Variants in PLEKHH1 observed in about 807,000 individuals in gnomAD.
PLEKHH1 encodes the protein pleckstrin homology, MyTH4 and FERM domain containing H1, also known as pleckstrin homology domain-containing family H member 1.
Under a neutral mutation model 160.0 loss-of-function variants are expected in PLEKHH1, and 104 were observed. The ratio of observed to expected loss-of-function variants is 0.65; its 90% CI spans 0.55 to 0.76. PLEKHH1 has a LOEUF of 0.76. PLEKHH1 is among the 30% of genes least tolerant of loss of function. The pLI is 0.00. For synonymous variants in PLEKHH1, 619 were observed against 678.4 expected, an observed-to-expected ratio of 0.91 and a Z score of 1.36; for missense variants, 1,427 against 1,724.1, an observed-to-expected ratio of 0.83 and a Z score of 3.05.
chr14:67,573,608 G>T lies in PLEKHH1; in HGVS notation c.1840-193G>T, dbSNP rs1473599122. Among the ~76,000 whole-genome samples the T allele has an allele frequency of 2.0e-5, 3 of 152,188 alleles. No individual in the cohort carries two copies. The highest frequency in any genetic ancestry group is 2.9e-5 in the Non-Finnish European group (2 of 68,036). ...AATGAAATAGGGAGGTTCTCAGAAG[G>T]ACCCATGTTCCTGATTAAGGTTCCA... On this transcript the variant is annotated intron_variant, in intron 12 of 28. Coordinates refer to ENST00000329153, the MANE Select transcript of PLEKHH1 (RefSeq NM_020715.3). The surrounding 1 kb of genome is among the most constrained non-coding windows in gnomAD (Gnocchi z 4.8).
At chr14:67,585,328 G>A (rs975014172) in intron 26 of PLEKHH1, 3 of 488,084 alleles carry the variant, frequency 6.1e-6, no homozygotes, top group South Asian at 4.5e-5. Flanking sequence ...AAGAATGATC[G>A]CCTCTGCCTT....
chr14:67,571,428 G>T (rs538693629), intron 9 of PLEKHH1: 2 of 249,156 alleles, frequency 8.0e-6, no homozygotes, highest in South Asian at 1.0e-4. Context: ...TTTAAAGCTC[G>T]CATGGCACAC....
intron 7 of PLEKHH1, among the ~76,000 whole-genome samples, chr14:67,564,769 G>A (rs1308414937): frequency 3.3e-5 from 5 of 149,502 alleles, no homozygotes; most frequent in Admixed American, 3.3e-4. Context: ...GCTCACTGCA[G>A]CCTCAACTTC....
chr14:67,578,075 A>G lies in PLEKHH1; in HGVS notation c.2627A>G (p.His876Arg). Residue 876 changes from histidine to arginine, a missense_variant, in exon 19 of 29, where the codon CAT becomes CGT. Coordinates refer to ENST00000329153, the MANE Select transcript of PLEKHH1 (RefSeq NM_020715.3). The surrounding 1 kb of genome is among the most constrained non-coding windows in gnomAD (Gnocchi z 5.0). ...GTGGAAGCTGCCTCGGTGGACTACC[A>G]TGTGTCCCTGGCCCAGACCGCACTG... ...VPVEAASVDY[H>R]VSLAQTALQV... 6.2e-7 allele frequency: 1 copy of G among 1,613,898 alleles called. No homozygotes were observed. The highest frequency in any genetic ancestry group is 8.5e-7 in the Non-Finnish European group (1 of 1,179,828).
chr14:67,563,895 G>A (rs2034961733), intron 7 of PLEKHH1, among the ~76,000 whole-genome samples: 2 of 108,120 alleles, frequency 1.8e-5, no homozygotes, highest in African/African-American at 6.7e-5. Flanking sequence ...CACCATGCCC[G>A]GCTAACTGTT....
Position 67,579,820 on chromosome 14 carries a change from T to G in PLEKHH1, c.3127T>G (p.Phe1043Val). 2 of 1,609,796 alleles carry G rather than the reference T, an allele frequency of 1.2e-6. No homozygotes were observed. Among genetic ancestry groups the G allele is most frequent in the Non-Finnish European group, 1.7e-6 (2 of 1,178,144 alleles). Residue 1043 changes from phenylalanine (F) to valine (V), a missense_variant, in exon 22 of 29, where the codon TTC (phenylalanine) becomes GTC (valine). Around this residue, in one of 6 missense-constraint regions of PLEKHH1, gnomAD observed 436 missense variants for 607.5 expected, o/e 0.72. Transcript: ENST00000329153. ...GCCATCCCACTCTGGCTTTGCCCTC[T>G]TCACGGACGATCCCTCGGGCAGGGA... The part of the protein sequence containing the change: ...RKPSHSGFAL[F>V]TDDPSGRDLE...
At chr14:67,559,971 C>G (rs778000771) in intron 5 of PLEKHH1, among the ~76,000 whole-genome samples, 9 of 152,242 alleles carry the variant, frequency 5.9e-5, no homozygotes, top group Admixed American at 1.3e-4. Flanking sequence ...CAGTTTCTTT[C>G]TAGGAAGCCC....
intron 8 of PLEKHH1, among the ~76,000 whole-genome samples, chr14:67,569,483 C>T (rs927759400): frequency 1.3e-5 from 2 of 152,240 alleles, no homozygotes; most frequent in African/African-American, 4.8e-5. Flanking sequence ...CAGCCTCCCA[C>T]CTGCACAGGC....
chr14:67,539,997 A>C (rs926893758), intron 1 of PLEKHH1, among the ~76,000 whole-genome samples: 5 of 152,248 alleles, frequency 3.3e-5, no homozygotes, highest in Non-Finnish European at 7.3e-5. Flanking sequence ...AGCCCATCAA[A>C]GAGAGGCTAA....
In PLEKHH1 at chr14:67,533,413, C is replaced by G. The variant is rs985828717; in HGVS notation, c.-35+15C>G. Reference sequence around the variant, plus strand: ...GCTCGCTGGAGGTGAGCGACCCGCGCTCCCGCCGCTGTGGTGGGCTGGGGC... The same window carrying G: ...GCTCGCTGGAGGTGAGCGACCCGCGGTCCCGCCGCTGTGGTGGGCTGGGGC... On this transcript the variant is annotated intron_variant, in intron 1 of 28. Coordinates refer to ENST00000329153, the MANE Select transcript of PLEKHH1 (RefSeq NM_020715.3). The G allele has an allele frequency of 1.3e-4, 19 of 151,806 alleles. 1 individual carries two copies. The highest frequency in any genetic ancestry group is 3.6e-4 in the African/African-American group (15 of 41,468). The allele number at this position is 151,806 out of a possible 1,614,324, so 9.4% of individuals were successfully genotyped here.
Position 67,564,288 on chromosome 14 carries a change from C to T in PLEKHH1, c.1263+1394C>T, listed in dbSNP as rs187660386. On this transcript the variant is annotated intron_variant, in intron 7 of 28. Coordinates refer to ENST00000329153, the MANE Select transcript of PLEKHH1 (RefSeq NM_020715.3). ...AATGTGCTGGGATTATAGGCAACTGCGCCAGGCCAGCTTCCTTACTTGTAA... is the reference window on the plus strand; with the variant it reads ...AATGTGCTGGGATTATAGGCAACTGTGCCAGGCCAGCTTCCTTACTTGTAA... Among the ~76,000 whole-genome samples, 240 of 152,202 alleles carry T rather than the reference C, an allele frequency of 1.6e-3. 3 individuals are homozygous for T. Among genetic ancestry groups the T allele is most frequent in the Admixed American group, 0.015 (222 of 15,276 alleles).
In PLEKHH1 at chr14:67,539,009, C is replaced by T. The variant is rs537940701; in HGVS notation, c.-34-2825C>T. On this transcript the variant is annotated intron_variant, in intron 1 of 28. Coordinates refer to ENST00000329153, the MANE Select transcript of PLEKHH1 (RefSeq NM_020715.3). ...TCAGTAAGAGGGAATCAATATTAAT[C>T]AAACTCTTTCAACTATACAAAGGGA... Among the ~76,000 whole-genome samples the T allele has an allele frequency of 2.2e-3, 334 of 152,286 alleles. 1 individual carries two copies. The highest frequency in any genetic ancestry group is 7.8e-3 in the African/African-American group (326 of 41,554).
chr14:67,581,299 CAA>C (rs2035886696), intron 23 of PLEKHH1, among the ~76,000 whole-genome samples: 1 of 151,746 alleles, frequency 6.6e-6, no homozygotes, highest in South Asian at 2.1e-4. Flanking sequence ...CACACACACA[CAA>C]ACATCTGCCA....
chr14:67,580,972 T>TG lies in PLEKHH1; in HGVS notation c.3219dup (p.Lys1074GlufsTer9), dbSNP rs2035865251. The TG allele has an allele frequency of 2.5e-6, 4 of 1,613,382 alleles. No homozygotes were observed. In the African/African-American group the frequency reaches 5.3e-5, roughly 22 times the overall value. On this transcript the variant is annotated frameshift_variant, in exon 23 of 29. Transcript: ENST00000329153. LOFTEE classifies it high-confidence loss of function. ...GCCATCTCCAAGTGGGAACAAGCCA[T>TG]GAAGGAGCTGCACCCCGGAAAGTCT...
At position 67,562,873 on chromosome 14, in the gene PLEKHH1, G is replaced by T; in HGVS notation, c.1242G>T (p.Pro414=). Residue 414 remains proline (P), a synonymous_variant, in exon 7 of 29, where the codon CCG becomes CCT. Coordinates refer to ENST00000329153, the MANE Select transcript of PLEKHH1 (RefSeq NM_020715.3). ...VELGNKPPTP[P]LHQFSSWESR... is the part of the protein sequence containing the mutation. ...TGGGTAACAAGCCACCTACACCCCCGCTGCACCAGTTTTCATCCTGGGTAA... is the reference window on the plus strand; with the variant it reads ...TGGGTAACAAGCCACCTACACCCCCTCTGCACCAGTTTTCATCCTGGGTAA... 1 of 1,612,726 alleles carries T rather than the reference G, an allele frequency of 6.2e-7. No individual in the cohort carries two copies. Among genetic ancestry groups the T allele is most frequent in the Non-Finnish European group, 8.5e-7 (1 of 1,179,568 alleles).
intron 2 of PLEKHH1, among the ~76,000 whole-genome samples, chr14:67,553,084 TC>T (rs1377869965): frequency 1.3e-5 from 2 of 152,090 alleles, no homozygotes; most frequent in Non-Finnish European, 2.9e-5. Flanking sequence ...TATCCTTTAC[TC>T]CACCTTGGTC....
Position 67,573,142 on chromosome 14 carries a change from C to A in PLEKHH1, c.1729-134C>A. Reference sequence around the variant, plus strand: ...CAGGGCATGGTACTCTGAAAATACACTGAGTAGGTACTCAATAATTTTGTA... The same window carrying A: ...CAGGGCATGGTACTCTGAAAATACAATGAGTAGGTACTCAATAATTTTGTA... On this transcript the variant is annotated intron_variant, in intron 11 of 28. Transcript: ENST00000329153. This position sits in a 1 kb window ranked among gnomAD's most constrained non-coding sequence, Gnocchi z 4.8. The A allele has an allele frequency of 1.6e-6, 1 of 620,866 alleles. No homozygotes were observed. Among genetic ancestry groups the A allele is most frequent in the African/African-American group, 1.8e-5 (1 of 54,814 alleles). 38.5% of individuals were successfully genotyped at this position (620,866 alleles called of 1,614,324 possible). A position where few individuals can be genotyped will look rare whatever the true frequency, so the allele number is the denominator to read the frequency against.
Position 67,587,269 on chromosome 14 carries a change from G to A in PLEKHH1, c.*34G>A. On this transcript the variant is annotated 3_prime_UTR_variant, in exon 29 of 29. Coordinates refer to ENST00000329153, the MANE Select transcript of PLEKHH1 (RefSeq NM_020715.3). ...CCTACCCGATTCCCCAACACCACTA[G>A]TGCCTCTGGATTTAGAGATATATAT... The A allele has an allele frequency of 6.2e-7, 1 of 1,611,850 alleles. No individual in the cohort carries two copies.
chr14:67,538,320 G>A (rs1555364977), intron 1 of PLEKHH1, among the ~76,000 whole-genome samples: 1 of 152,192 alleles, frequency 6.6e-6, no homozygotes, highest in Non-Finnish European at 1.5e-5. Context: ...CTACTCCTTA[G>A]CTCTATGCAA....
Sources: gnomAD v4.1 joint callset for allele counts (sites outside exome capture counted in the v4.1 genomes callset) on GRCh38, gnomAD v4.1.1 for gene constraint, gnomAD v4.1.1 regional missense constraint, Gnocchi (gnomAD v3.1) non-coding constraint, MANE v1.5 for transcripts, NCBI Gene and HGNC (gene_info 2026-07-23, HGNC 2026-07-21) for gene names.